Variants in FAM135B observed in about 807,000 individuals in gnomAD.
FAM135B encodes the protein family with sequence similarity 135 member B, also known as protein FAM135B.
Under a neutral mutation model 127.7 loss-of-function variants are expected in FAM135B, and 43 were observed. That is an observed-to-expected ratio of 0.34 (90% CI 0.26 to 0.43). The LOEUF (loss-of-function observed/expected upper bound fraction) is 0.43, where lower values mean the gene tolerates loss of function less well. FAM135B is among the 20% of genes least tolerant of loss of function. The probability of loss-of-function intolerance (pLI) is 1.00; values close to 1 mark genes in which losing one functional copy is unlikely to be tolerated. For missense variants in FAM135B, 1,558 were observed against 1,725.6 expected (o/e 0.90, Z 1.72); for synonymous variants, 670 against 665.1 (o/e 1.01, Z -0.11).
chr8:138,407,397 G>GA (rs1161079844), intron 1 of FAM135B, among the ~76,000 whole-genome samples: 1 of 152,048 alleles, frequency 6.6e-6, no homozygotes, highest in Admixed American at 6.6e-5. Context: ...CACTGAATTG[G>GA]AAAAAACTAC....
chr8:138,140,879 G>C (rs886485076), intron 17 of FAM135B, among the ~76,000 whole-genome samples: 1 of 152,180 alleles, frequency 6.6e-6, no homozygotes, highest in African/African-American at 2.4e-5. Flanking sequence ...TTGTCATGCA[G>C]GTGGCCTGAT....
chr8:138,472,952 T>C (rs1412723974), intron 1 of FAM135B, among the ~76,000 whole-genome samples: 8 of 152,180 alleles, frequency 5.3e-5, no homozygotes, highest in Admixed American at 6.5e-5. Flanking sequence ...GGAGGTCACA[T>C]ATAAGTCCTG....
At chr8:138,393,241 G>A (rs1832680475) in intron 1 of FAM135B, among the ~76,000 whole-genome samples, 1 of 152,148 alleles carries the variant, frequency 6.6e-6, no homozygotes, top group African/African-American at 2.4e-5. Flanking sequence ...ATGAGATTTG[G>A]TTGGGGACAT....
chr8:138,246,380 G>A (rs1007506215), intron 6 of FAM135B, among the ~76,000 whole-genome samples: 6 of 152,256 alleles, frequency 3.9e-5, no homozygotes, highest in Admixed American at 3.9e-4. Context: ...CCCCCTTGCT[G>A]TGCACAGCCT....
At chr8:138,255,049 A>G (rs1325247610) in intron 5 of FAM135B, among the ~76,000 whole-genome samples, 16 of 83,060 alleles carry the variant, frequency 1.9e-4, no homozygotes, top group Middle Eastern at 9.4e-3. Flanking sequence ...TTTTTTTTTG[A>G]GACACAGTCT....
At chr8:138,366,761 G>A (rs1322603693) in intron 2 of FAM135B, among the ~76,000 whole-genome samples, 1 of 152,168 alleles carries the variant, frequency 6.6e-6, no homozygotes, top group Non-Finnish European at 1.5e-5. Flanking sequence ...TTATTAAAAT[G>A]TACATTGAGT....
chr8:138,414,927 T>C (rs1486181106), intron 1 of FAM135B, among the ~76,000 whole-genome samples: 1 of 152,090 alleles, frequency 6.6e-6, no homozygotes, highest in African/African-American at 2.4e-5. Context: ...GGTCCCTGAG[T>C]TCTCCAAGCA....
intron 1 of FAM135B, among the ~76,000 whole-genome samples, chr8:138,476,207 G>A (rs1418467803): frequency 6.6e-6 from 1 of 152,116 alleles, no homozygotes; most frequent in Non-Finnish European, 1.5e-5. Context: ...CAAGGGTCTG[G>A]GGGGATTGAA....
intron 2 of FAM135B, among the ~76,000 whole-genome samples, chr8:138,323,594 G>A: frequency 6.6e-6 from 1 of 152,224 alleles, no homozygotes; most frequent in South Asian, 2.1e-4. Flanking sequence ...TGTCCCTGGT[G>A]ACATGGTTGT....
At chr8:138,479,499 T>C (rs1814684229) in intron 1 of FAM135B, among the ~76,000 whole-genome samples, 1 of 152,204 alleles carries the variant, frequency 6.6e-6, no homozygotes, top group Non-Finnish European at 1.5e-5. Flanking sequence ...CAAAAGTTGC[T>C]ACTTTCATCT....
intron 2 of FAM135B, 49 bp from the exon 3 acceptor site, chr8:138,310,969 T>C (rs533423492): frequency 1.9e-5 from 28 of 1,476,564 alleles, no homozygotes; most frequent in Middle Eastern, 3.5e-4. Context: ...CTTCTTAACG[T>C]TGACTTCTAA....
intron 13 of FAM135B, among the ~76,000 whole-genome samples, chr8:138,149,045 G>C (rs1260284990): frequency 2.7e-5 from 4 of 149,922 alleles, no homozygotes; most frequent in African/African-American, 9.9e-5. Flanking sequence ...CGAGTTAATG[G>C]GTGCAGCACA....
Position 138,241,458 on chromosome 8 carries a change from G to T in FAM135B, c.669+1484C>A, listed in dbSNP as rs1231315940. ...TGACAACTCTTTTCTTTGCTTCTCAGGACCATAAAATCATGTGACACAGCA... is the reference window on the plus strand; with the variant it reads ...TGACAACTCTTTTCTTTGCTTCTCATGACCATAAAATCATGTGACACAGCA... On this transcript the variant is annotated intron_variant, in intron 7 of 19. Coordinates refer to ENST00000395297, the MANE Select transcript of FAM135B (RefSeq NM_015912.4). The surrounding 1 kb of genome is among the most constrained non-coding windows in gnomAD (Gnocchi z 4.8). Among the ~76,000 whole-genome samples the T allele has an allele frequency of 6.6e-6, 1 of 152,104 alleles. No individual in the cohort carries two copies. Among genetic ancestry groups the T allele is most frequent in the African/African-American group, 2.4e-5 (1 of 41,402 alleles).
At chr8:138,307,748 AAAAAG>A (rs1826373006) in intron 3 of FAM135B, among the ~76,000 whole-genome samples, 2 of 151,854 alleles carry the variant, frequency 1.3e-5, no homozygotes, top group Non-Finnish European at 2.9e-5. Context: ...AAAAAAAAAA[AAAAAG>A]AGAGATACAT....
intron 2 of FAM135B, chr8:138,358,464 A>G (rs1036670817): frequency 5.9e-5 from 9 of 152,194 alleles, no homozygotes; most frequent in African/African-American, 2.2e-4. Flanking sequence ...GGAGTAGTCC[A>G]TAGAGGGCTT....
At chr8:138,422,397 C>A (rs1834565984) in intron 1 of FAM135B, among the ~76,000 whole-genome samples, 1 of 151,886 alleles carries the variant, frequency 6.6e-6, no homozygotes, top group Admixed American at 6.6e-5. Context: ...ATATCTAGAA[C>A]CCATAATAAA....
intron 5 of FAM135B, among the ~76,000 whole-genome samples, chr8:138,256,346 G>T (rs758572134): frequency 6.6e-6 from 1 of 152,156 alleles, no homozygotes; most frequent in Non-Finnish European, 1.5e-5. Flanking sequence ...AAGGGGATTT[G>T]CCATTTGTAG....
At chr8:138,354,504 G>A (rs1027376365) in intron 2 of FAM135B, among the ~76,000 whole-genome samples, 1 of 152,064 alleles carries the variant, frequency 6.6e-6, no homozygotes, top group Admixed American at 6.6e-5. Context: ...TCCTGGGTGG[G>A]CGTTTTGGGA....
At chr8:138,204,557 G>A (rs544375794) in intron 7 of FAM135B, among the ~76,000 whole-genome samples, 2 of 152,272 alleles carry the variant, frequency 1.3e-5, no homozygotes, top group South Asian at 2.1e-4. Flanking sequence ...GCAATGGCAC[G>A]ACAGTGTAGA....
Sources: gnomAD v4.1 joint callset for allele counts (sites outside exome capture counted in the v4.1 genomes callset) on GRCh38, gnomAD v4.1.1 for gene constraint, Gnocchi (gnomAD v3.1) non-coding constraint, MANE v1.5 for transcripts, NCBI Gene and HGNC (gene_info 2026-07-23, HGNC 2026-07-21) for gene names.